The following HYDIN variants were observed in gnomAD, a reference collection of about 807,000 sequenced individuals.
HYDIN encodes the protein HYDIN axonemal central pair apparatus protein.
A neutral mutation model predicts 403.9 loss-of-function variants in HYDIN; 132 were observed. The observed-to-expected ratio is 0.33, with a 90% CI of 0.28 to 0.38. The LOEUF is 0.38. HYDIN is among the 10% of genes least tolerant of loss of function. HYDIN has a pLI of 1.00. For synonymous variants in HYDIN, 1,202 were observed against 1,891.7 expected, an observed-to-expected ratio of 0.64 and a Z score of 9.46; for missense variants, 2,827 against 5,009.5, an observed-to-expected ratio of 0.56 and a Z score of 13.15.
intron 46 of HYDIN, among the ~76,000 whole-genome samples, chr16:70,919,228 G>T (rs552673431): frequency 6.6e-6 from 1 of 152,230 alleles, no homozygotes; most frequent in East Asian, 1.9e-4. Context: ...CAGAGCCAGG[G>T]AGTTCTTCAA....
intron 36 of HYDIN, among the ~76,000 whole-genome samples, chr16:70,967,593 C>G (rs533894403): frequency 6.6e-6 from 1 of 152,108 alleles, no homozygotes; most frequent in South Asian, 2.1e-4. Flanking sequence ...GCCATTCCCC[C>G]GCCTCAGCCT....
At chr16:70,940,236 CA>C (rs531599140) in intron 43 of HYDIN, among the ~76,000 whole-genome samples, 61 of 150,038 alleles carry the variant, frequency 4.1e-4, no homozygotes, top group African/African-American at 1.4e-3. Context: ...ACACTTAGGA[CA>C]AAGGCACCAG....
At chr16:70,898,664 CG>C (rs1567790619) in intron 53 of HYDIN, among the ~76,000 whole-genome samples, 1 of 151,918 alleles carries the variant, frequency 6.6e-6, no homozygotes, top group East Asian at 1.9e-4. Flanking sequence ...CTGCTTTAAG[CG>C]GTAGTGGTAA....
chr16:71,016,102 C>T (rs1163533071), intron 23 of HYDIN, among the ~76,000 whole-genome samples: 1 of 151,778 alleles, frequency 6.6e-6, no homozygotes. Context: ...AATTCTGCAG[C>T]AACAAAACCA....
At chr16:71,191,959 T>C (rs982117977) in intron 1 of HYDIN, among the ~76,000 whole-genome samples, 3 of 152,220 alleles carry the variant, frequency 2.0e-5, no homozygotes, top group Admixed American at 1.3e-4. Flanking sequence ...TGTGGACTAC[T>C]TACTATGTGC....
intron 6 of HYDIN, among the ~76,000 whole-genome samples, chr16:71,154,525 ACCCATTAAC>A (rs2085678033): frequency 7.7e-6 from 1 of 129,200 alleles, no homozygotes; most frequent in African/African-American, 3.1e-5. Flanking sequence ...ATTTTTTAAT[ACCCATTAAC>A]CTTCCCCAAC....
intron 1 of HYDIN, among the ~76,000 whole-genome samples, chr16:71,219,288 A>G (rs1391390435): frequency 6.6e-6 from 1 of 152,170 alleles, no homozygotes; most frequent in Non-Finnish European, 1.5e-5. Flanking sequence ...TAGCTTATTA[A>G]AGCAAGAAGA....
At position 70,938,706 on chromosome 16, in the gene HYDIN, G is replaced by A. The variant is rs2077575155; in HGVS notation, c.6903C>T (p.Asn2301=). 6.2e-7 allele frequency: 1 copy of A among 1,614,124 alleles called. No homozygotes were observed. Among genetic ancestry groups the A allele is most frequent in the East Asian group, 2.2e-5 (1 of 44,874 alleles). ...GGGCATCATATTCTTCCTCATCCAT[G>A]TTTTGGAGACGCTCCTTCTCTTTCT... ...ALEKEKERLQ[N]MDEEEYDALT... The change falls in exon 44 of 86, where the codon AAC becomes AAT. Residue 2301 remains asparagine, a synonymous_variant. Transcript: ENST00000393567.
At chr16:71,174,917 T>G (rs1283963622) in intron 5 of HYDIN, among the ~76,000 whole-genome samples, 1 of 152,204 alleles carries the variant, frequency 6.6e-6, no homozygotes, top group East Asian at 1.9e-4. Flanking sequence ...TGGATCTCTT[T>G]TGCAAACTAG....
chr16:70,971,860 T>C (rs1015815056), intron 35 of HYDIN, among the ~76,000 whole-genome samples: 1 of 151,820 alleles, frequency 6.6e-6, no homozygotes, highest in African/African-American at 2.4e-5. Context: ...CTAAGAATTG[T>C]TGGTGTGGAT....
chr16:71,119,966 C>G (rs1198374909), intron 9 of HYDIN, among the ~76,000 whole-genome samples: 1 of 149,270 alleles, frequency 6.7e-6, no homozygotes, highest in Non-Finnish European at 1.5e-5. Context: ...CTTTATTACT[C>G]AGTTCTAACA....
At chr16:70,915,051 T>C (rs1258404909) in intron 47 of HYDIN, among the ~76,000 whole-genome samples, 1 of 151,732 alleles carries the variant, frequency 6.6e-6, no homozygotes, top group African/African-American at 2.4e-5. Context: ...TCTTCTATCA[T>C]TTTTTGGATT....
intron 71 of HYDIN, among the ~76,000 whole-genome samples, chr16:70,859,694 G>A (rs1334798180): frequency 2.0e-5 from 3 of 152,150 alleles, no homozygotes; most frequent in Non-Finnish European, 2.9e-5. Context: ...GCCTAACCAA[G>A]TAAAAACACA....
At chr16:71,168,089 G>A (rs1310822431) in intron 5 of HYDIN, among the ~76,000 whole-genome samples, 1 of 152,080 alleles carries the variant, frequency 6.6e-6, no homozygotes, top group Non-Finnish European at 1.5e-5. Context: ...AGGCTGAGGT[G>A]GGTGGATCGC....
At chr16:71,191,725 C>T (rs2087447937) in intron 1 of HYDIN, among the ~76,000 whole-genome samples, 1 of 152,128 alleles carries the variant, frequency 6.6e-6, no homozygotes, top group African/African-American at 2.4e-5. Context: ...GAGGGTTTAT[C>T]CCACTCAGAT....
In HYDIN at chr16:70,883,992, T is replaced by A; in HGVS notation, c.9907A>T (p.Ile3303Phe). 1.2e-6 allele frequency: 2 copies of A among 1,614,114 alleles called. No individual in the cohort carries two copies. Among genetic ancestry groups the A allele is most frequent in the Non-Finnish European group, 1.7e-6 (2 of 1,180,040 alleles). The change falls in exon 59 of 86, where the codon ATC becomes TTC. Residue 3303 changes from isoleucine to phenylalanine, a missense_variant. Physicochemically the swap from Ile to Phe is conservative, Grantham distance 21 (BLOSUM62 0). Transcript: ENST00000393567. ...GKCEEFIAID[I>F]SGRDPAVHPA... ...TGGACTGCAGGGTCTCGGCCGGAGA[T>A]ATCGATGGCTATAAACTCCTCACAC...
In HYDIN at chr16:71,043,955, A is replaced by AGAGAGG. The variant is rs1354955566; in HGVS notation, c.2530-12044_2530-12039dup. Among the ~76,000 whole-genome samples the AGAGAGG allele has an allele frequency of 2.4e-4, 37 of 151,926 alleles. No individual in the cohort carries two copies. The South Asian group carries it at 7.1e-3, about 29-fold the overall frequency. ...AAGAAAGAAAGAAAGAGAGAGAGAG[A>AGAGAGG]GAGAGGGAGAGGGAGAGGTGGAGAG... On this transcript the variant is annotated intron_variant, in intron 18 of 85. Coordinates refer to ENST00000393567, the MANE Select transcript of HYDIN (RefSeq NM_001270974.2).
chr16:70,915,148 G>T (rs1324847999), intron 47 of HYDIN, among the ~76,000 whole-genome samples: 2 of 151,720 alleles, frequency 1.3e-5, no homozygotes, highest in South Asian at 2.1e-4. Flanking sequence ...GTAAATCAGG[G>T]ATTTCTTCTT....
At chr16:70,938,554 C>T (rs1352622773) in intron 44 of HYDIN, 60 bp downstream of exon 44, 1 of 1,115,114 alleles carries the variant, frequency 9.0e-7, no homozygotes. Flanking sequence ...CGGTCCTGGT[C>T]ACTCTGTGGG....
Sources: allele counts gnomAD v4.1 joint callset (sites outside exome capture counted in the v4.1 genomes callset), GRCh38; gene constraint gnomAD v4.1.1; transcripts MANE v1.5; gene names NCBI Gene and HGNC (gene_info 2026-07-23, HGNC 2026-07-21).